DHX30: variants seen among roughly 807,000 people sequenced by gnomAD.
DHX30 encodes the protein DExH-box helicase 30, also known as ATP-dependent RNA helicase DHX30.
A neutral mutation model predicts 116.9 loss-of-function variants in DHX30; 4 were observed. The ratio of observed to expected loss-of-function variants is 0.03; its 90% CI spans 0.02 to 0.08. DHX30 has a LOEUF of 0.08. Among genes scored for constraint, DHX30 ranks in the 10% least tolerant of loss-of-function variants. The pLI is 1.00. For missense variants in DHX30, 871 were observed against 1,595.1 expected (o/e 0.55, Z 7.73); for synonymous variants, 697 against 651.7 (o/e 1.07, Z -1.06).
Position 47,837,828 on chromosome 3 carries a change from TGGGA to T in DHX30, c.367-3043_367-3040del, listed in dbSNP as rs773940596. Among the ~76,000 whole-genome samples, 10 of 150,554 alleles carry T rather than the reference TGGGA, an allele frequency of 6.6e-5. No individual in the cohort carries two copies. The East Asian group carries it at 1.8e-3, about 26-fold the overall frequency. On this transcript the variant is annotated intron_variant, in intron 6 of 21. Transcript: ENST00000445061. ...GACAGCTCCTGGACAGTTGAGGAGGTGGGAGGGAGAATGGGTTGGAGGGGCAGCA... is the reference window on the plus strand; with the variant it reads ...GACAGCTCCTGGACAGTTGAGGAGGTGGGAGAATGGGTTGGAGGGGCAGCA...
Position 47,847,370 on chromosome 3 carries a change from C to G in DHX30, c.2005+22C>G. On this transcript the variant is annotated intron_variant, in intron 12 of 21. Transcript: ENST00000445061. The surrounding 1 kb of genome is among the most constrained non-coding windows in gnomAD (Gnocchi z 5.5). ...CCAGGTGGGTGCCTCCCCATCTGTC[C>G]CATGCTAGCCCTGGCCACGTTTGCA... 6.2e-7 allele frequency: 1 copy of G among 1,614,202 alleles called. No individual in the cohort carries two copies. Among genetic ancestry groups the G allele is most frequent in the Non-Finnish European group, 8.5e-7 (1 of 1,180,028 alleles).
At chr3:47,832,627 C>CT (rs1232599849) in intron 6 of DHX30, among the ~76,000 whole-genome samples, 6,908 of 142,614 alleles carry the variant, frequency 0.048, 514 homozygotes, top group African/African-American at 0.16. Flanking sequence ...ACATCTAATT[C>CT]TTTTTTTTTT....
At position 47,848,973 on chromosome 3, in the gene DHX30, G is replaced by C. The variant is rs1202930495; in HGVS notation, c.2823G>C (p.Arg941=). The C allele has an allele frequency of 6.2e-7, 1 of 1,613,424 alleles. No homozygotes were observed. ...GCAGTGACCACCTGGCCTTTGTGCG[G>C]GCTGTCGCCGGCTGGGAGGAGGTGC... is the stretch of plus-strand genomic sequence containing the variant. ...DSGSDHLAFV[R]AVAGWEEVLR... The change falls in exon 18 of 22, where the codon CGG becomes CGC. Residue 941 remains arginine, a synonymous_variant. Transcript: ENST00000445061. This position sits in a 1 kb window ranked among gnomAD's most constrained non-coding sequence, Gnocchi z 9.4.
intron 2 of DHX30, among the ~76,000 whole-genome samples, chr3:47,809,526 GA>G (rs2035694791): frequency 6.6e-6 from 1 of 151,842 alleles, no homozygotes; most frequent in East Asian, 1.9e-4. Context: ...TTACAGGCGT[GA>G]GCCACCGCGC....
chr3:47,846,069 C>A, intron 10 of DHX30, 96 bp from the exon 11 acceptor site: 1 of 1,457,418 alleles, frequency 6.9e-7, no homozygotes, highest in South Asian at 1.3e-5. Context: ...CGGGTTGGGC[C>A]ACAACATCTG....
chr3:47,848,437 C>T lies in DHX30; in HGVS notation c.2494-32C>T. On this transcript the variant is annotated intron_variant, in intron 15 of 21. Coordinates refer to ENST00000445061, the MANE Select transcript of DHX30 (RefSeq NM_138615.3). This position sits in a 1 kb window ranked among gnomAD's most constrained non-coding sequence, Gnocchi z 9.4. ...GCCTGGGGACCAGGCAGGTGGGAGG[C>T]AGGCTCATGGCGGGCTCTGGCTCTG... is the stretch of plus-strand genomic sequence containing the variant. The T allele has an allele frequency of 1.9e-6, 3 of 1,613,822 alleles. No individual in the cohort carries two copies. The East Asian group carries it at 6.7e-5, about 36-fold the overall frequency.
chr3:47,804,192 C>A (rs1160266816), intron 1 of DHX30, among the ~76,000 whole-genome samples: 1 of 152,154 alleles, frequency 6.6e-6, no homozygotes, highest in South Asian at 2.1e-4. Flanking sequence ...CGTTTTCTAC[C>A]GGTGTTGGCT....
chr3:47,839,496 A>G (rs1010253352), intron 6 of DHX30, among the ~76,000 whole-genome samples: 4 of 151,622 alleles, frequency 2.6e-5, no homozygotes, highest in African/African-American at 4.8e-5. Flanking sequence ...GTTTCTCCAT[A>G]TTGGTCAGGC....
At chr3:47,825,350 C>T (rs2036504949) in intron 4 of DHX30, 2 of 538,264 alleles carry the variant, frequency 3.7e-6, no homozygotes, top group South Asian at 4.6e-5. Flanking sequence ...CGGGGGTCCT[C>T]TCTTCCATAG....
chr3:47,812,600 A>G (rs980895794), intron 3 of DHX30, among the ~76,000 whole-genome samples: 1 of 151,796 alleles, frequency 6.6e-6, no homozygotes, highest in African/African-American at 2.4e-5. Context: ...TCACTATCAC[A>G]AGGATAGTAG....
intron 6 of DHX30, among the ~76,000 whole-genome samples, chr3:47,830,246 G>A (rs1406488832): frequency 6.6e-6 from 1 of 151,178 alleles, no homozygotes; most frequent in Non-Finnish European, 1.5e-5. Context: ...TCAGGAGCTT[G>A]AGACCAGCCT....
chr3:47,827,841 A>G (rs1357062388), intron 5 of DHX30, among the ~76,000 whole-genome samples: 2 of 152,048 alleles, frequency 1.3e-5, no homozygotes, highest in Non-Finnish European at 2.9e-5. Context: ...ATTCTGGATG[A>G]TTTTTTAACA....
intron 3 of DHX30, chr3:47,816,150 A>G (rs968556617): frequency 4.8e-5 from 47 of 980,726 alleles, no homozygotes; most frequent in Middle Eastern, 5.3e-4. Flanking sequence ...GTAAAATCAC[A>G]TACCTATAAA....
At chr3:47,807,535 C>G (rs1365449982) in intron 2 of DHX30, among the ~76,000 whole-genome samples, 1 of 151,380 alleles carries the variant, frequency 6.6e-6, no homozygotes, top group Non-Finnish European at 1.5e-5. Context: ...AAGCCCATCT[C>G]TACTAAAAAT....
At chr3:47,829,802 C>A (rs544894924) in intron 6 of DHX30, among the ~76,000 whole-genome samples, 1 of 151,908 alleles carries the variant, frequency 6.6e-6, no homozygotes, top group Non-Finnish European at 1.5e-5. Context: ...TTTTCTCTAT[C>A]GCAATGTAGT....
chr3:47,827,575 A>T, intron 5 of DHX30, 98 bp downstream of exon 5: 2 of 1,466,468 alleles, frequency 1.4e-6, no homozygotes, highest in South Asian at 1.3e-5. Context: ...AGGCCATAGA[A>T]TGGGTTTCCT....
At chr3:47,841,865 G>A (rs1226423923) in intron 8 of DHX30, 128 bp downstream of exon 8, 3 of 1,313,786 alleles carry the variant, frequency 2.3e-6, no homozygotes, top group East Asian at 2.3e-5. Context: ...CCAGGTGGAG[G>A]AACTCCTGCT....
chr3:47,840,849 T>C (rs748639102), intron 6 of DHX30, 28 bp from the exon 7 acceptor site: 4 of 1,613,888 alleles, frequency 2.5e-6, no homozygotes, highest in Non-Finnish European at 2.5e-6. Context: ...ATGGTATCAA[T>C]CCTTAAAACG....
rs2036506869 is a variant in DHX30, at chr3:47,825,370, T to G, written c.125-1977T>G. ...GTCCTCTCTTCCATAGTGGCCAAGTTCGCCATCCGTCGGCGGGCAGCGGCC... is the reference window on the plus strand; with the variant it reads ...GTCCTCTCTTCCATAGTGGCCAAGTGCGCCATCCGTCGGCGGGCAGCGGCC... On this transcript the variant is annotated intron_variant, in intron 4 of 21. Transcript: ENST00000445061. 9 of 522,676 alleles carry G rather than the reference T, an allele frequency of 1.7e-5. No individual in the cohort carries two copies. The South Asian group carries it at 2.3e-4, about 13-fold the overall frequency. 32.4% of individuals were successfully genotyped at this position (522,676 alleles called of 1,614,324 possible).
Sources: gnomAD v4.1 joint callset for allele counts (sites outside exome capture counted in the v4.1 genomes callset) on GRCh38, gnomAD v4.1.1 for gene constraint, Gnocchi (gnomAD v3.1) non-coding constraint, MANE v1.5 for transcripts, NCBI Gene and HGNC (gene_info 2026-07-23, HGNC 2026-07-21) for gene names.